Variants in NREP observed in about 807,000 individuals in gnomAD.
NREP encodes the protein neuronal regeneration related protein, also known as neuronal regeneration-related protein.
NREP carries 5 observed loss-of-function variants against 8.6 expected under a neutral mutation model. The ratio of observed to expected loss-of-function variants is 0.58; its 90% CI spans 0.30 to 1.22. The LOEUF (loss-of-function observed/expected upper bound fraction) is 1.22. Among genes scored for constraint, NREP ranks in the 50% most tolerant of loss-of-function variants. NREP has a pLI of 0.07. For missense variants in NREP, 86 were observed against 82.5 expected (o/e 1.04, Z -0.17); for synonymous variants, 27 against 28.0 (o/e 0.96, Z 0.11).
At chr5:111,905,720 A>C (rs755958559) in intron 2 of NREP, among the ~76,000 whole-genome samples, 1 of 152,148 alleles carries the variant, frequency 6.6e-6, no homozygotes, top group Non-Finnish European at 1.5e-5. Context: ...AGCTAAGAGT[A>C]CTATATGCAT....
At chr5:111,790,271 C>T (rs1341007914) in intron 2 of NREP, among the ~76,000 whole-genome samples, 1 of 150,838 alleles carries the variant, frequency 6.6e-6, no homozygotes, top group Non-Finnish European at 1.5e-5. Context: ...CAAGAACTCC[C>T]ATACCCTACT....
At chr5:111,911,747 A>G (rs1017630212) in intron 2 of NREP, among the ~76,000 whole-genome samples, 2 of 152,254 alleles carry the variant, frequency 1.3e-5, no homozygotes, top group South Asian at 4.1e-4. Context: ...ACATAAAAAT[A>G]GACACCAATT....
At chr5:111,866,225 T>C (rs1017882153) in intron 2 of NREP, among the ~76,000 whole-genome samples, 1 of 151,844 alleles carries the variant, frequency 6.6e-6, no homozygotes, top group African/African-American at 2.4e-5. Context: ...ACCTATAGAA[T>C]GGGAGAAAAT....
intron 2 of NREP, among the ~76,000 whole-genome samples, chr5:111,870,415 G>A (rs1315688808): frequency 6.6e-6 from 1 of 152,090 alleles, no homozygotes; most frequent in Non-Finnish European, 1.5e-5. Flanking sequence ...GGTTAAAAGA[G>A]CAAGATTCTG....
intron 2 of NREP, among the ~76,000 whole-genome samples, chr5:111,852,934 C>T (rs1273589551): frequency 6.6e-6 from 1 of 152,054 alleles, no homozygotes; most frequent in Non-Finnish European, 1.5e-5. Context: ...AGAGAAGCTT[C>T]CTCAAAGGGT....
intron 2 of NREP, among the ~76,000 whole-genome samples, chr5:111,813,484 T>TAA (rs1167312460): frequency 6.6e-6 from 1 of 152,146 alleles, no homozygotes; most frequent in Non-Finnish European, 1.5e-5. Context: ...TTGTATTCGT[T>TAA]CATGCTTATA....
intron 2 of NREP, among the ~76,000 whole-genome samples, chr5:111,879,588 C>T (rs1177955341): frequency 6.6e-6 from 1 of 152,138 alleles, no homozygotes; most frequent in Non-Finnish European, 1.5e-5. Context: ...ATACTCAGTG[C>T]CTGATCCCAT....
At chr5:111,873,842 G>A (rs915168618) in intron 2 of NREP, among the ~76,000 whole-genome samples, 1 of 152,148 alleles carries the variant, frequency 6.6e-6, no homozygotes, top group Non-Finnish European at 1.5e-5. Context: ...TACTACAAGG[G>A]CTGTGGGAGA....
At chr5:111,878,220 G>A (rs1753958032) in intron 2 of NREP, among the ~76,000 whole-genome samples, 1 of 152,160 alleles carries the variant, frequency 6.6e-6, no homozygotes, top group Non-Finnish European at 1.5e-5. Context: ...TATAATAGAT[G>A]TACTAGTTCA....
chr5:111,814,231 T>C (rs943719856), intron 2 of NREP, among the ~76,000 whole-genome samples: 1 of 152,134 alleles, frequency 6.6e-6, no homozygotes, highest in Non-Finnish European at 1.5e-5. Flanking sequence ...ACTGAACACC[T>C]GCAGATATGA....
chr5:111,976,894 A>G (rs1050910528), exon 1 of NREP: 2 of 598,094 alleles, frequency 3.3e-6, no homozygotes, highest in Admixed American at 3.2e-5. Context: ...CACTGCCTGG[A>G]AAAGTAATTC....
chr5:111,740,031 A>G (rs3797725), intron 2 of NREP, among the ~76,000 whole-genome samples: 51,725 of 151,484 alleles, frequency 0.34, 12,850 homozygotes, highest in African/African-American at 0.7. Flanking sequence ...AAAAAAGTAG[A>G]GGGAAGGAAA....
chr5:111,732,328 TCTTA>T (rs1449043399), intron 3 of NREP: 1 of 152,028 alleles, frequency 6.6e-6, no homozygotes, highest in African/African-American at 2.4e-5. Flanking sequence ...CTTTAAAAAG[TCTTA>T]CTTACTGTAC....
intron 2 of NREP, among the ~76,000 whole-genome samples, chr5:111,752,453 C>G (rs150248330): frequency 8.5e-4 from 130 of 152,314 alleles, no homozygotes; most frequent in African/African-American, 3.1e-3. Context: ...TCAAGAGTCA[C>G]TGAGCAACTG....
At chr5:111,729,216 T>G (rs1320140773), downstream of NREP, 1 of 152,232 alleles carries the variant, frequency 6.6e-6, no homozygotes, top group Non-Finnish European at 1.5e-5. Flanking sequence ...TGGCCTGACT[T>G]CTGGGGCTCT....
intron 2 of NREP, among the ~76,000 whole-genome samples, chr5:111,975,097 G>A (rs1414400259): frequency 1.3e-5 from 2 of 152,220 alleles, no homozygotes; most frequent in Non-Finnish European, 2.9e-5. Context: ...TGCAGAGGAA[G>A]GCACACAAAT....
At chr5:111,845,564 C>A (rs532977698) in intron 2 of NREP, among the ~76,000 whole-genome samples, 2 of 152,126 alleles carry the variant, frequency 1.3e-5, no homozygotes, top group East Asian at 1.9e-4. Flanking sequence ...AAAAGTCATG[C>A]GTTATAAATC....
At chr5:111,785,926 G>A (rs1751599253) in intron 2 of NREP, among the ~76,000 whole-genome samples, 1 of 152,130 alleles carries the variant, frequency 6.6e-6, no homozygotes, top group African/African-American at 2.4e-5. Context: ...GGGTTGCAGA[G>A]AGAGTATGAA....
At chr5:111,960,777 G>C (rs117624580) in intron 2 of NREP, among the ~76,000 whole-genome samples, 2 of 152,234 alleles carry the variant, frequency 1.3e-5, no homozygotes, top group East Asian at 3.9e-4. Context: ...TCTAGAAATA[G>C]ACGTCTATAT....
Sources: gnomAD v4.1 joint callset for allele counts (sites outside exome capture counted in the v4.1 genomes callset) on GRCh38, gnomAD v4.1.1 for gene constraint, MANE v1.5 for transcripts, NCBI Gene and HGNC (gene_info 2026-07-23, HGNC 2026-07-21) for gene names.